Variants in NAALADL2 observed in about 807,000 individuals in gnomAD.
NAALADL2 encodes N-acetylated alpha-linked acidic dipeptidase like 2, also known as inactive N-acetylated-alpha-linked acidic dipeptidase-like protein 2.
A neutral mutation model predicts 87.2 loss-of-function variants in NAALADL2; 76 were observed. The observed-to-expected ratio is 0.87, with a 90% CI of 0.72 to 1.05. The LOEUF (loss-of-function observed/expected upper bound fraction) is 1.05, where lower values mean the gene tolerates loss of function less well. Ranked by LOEUF, NAALADL2 falls within the 50% of genes least tolerant of loss-of-function variation. NAALADL2 has a pLI of 0.00. For missense variants in NAALADL2, 1,089 were observed against 945.8 expected (o/e 1.15, Z -1.99); for synonymous variants, 354 against 331.0 (o/e 1.07, Z -0.75).
chr3:174,982,357 A>T (rs1207095845), intron 1 of NAALADL2, among the ~76,000 whole-genome samples: 2 of 144,078 alleles, frequency 1.4e-5, no homozygotes, highest in South Asian at 2.1e-4. Context: ...AGTATAACTT[A>T]AAAAAAAAAG....
At chr3:174,976,231 T>G (rs1038774555) in intron 1 of NAALADL2, among the ~76,000 whole-genome samples, 1 of 152,212 alleles carries the variant, frequency 6.6e-6, no homozygotes, top group South Asian at 2.1e-4. Context: ...TTACATTTCC[T>G]TAAAACTATC....
chr3:174,986,019 T>C (rs1274684526), intron 1 of NAALADL2, among the ~76,000 whole-genome samples: 1 of 151,968 alleles, frequency 6.6e-6, no homozygotes, highest in Non-Finnish European at 1.5e-5. Context: ...TTGCTGATAA[T>C]TGGTGACGAT....
intron 11 of NAALADL2, among the ~76,000 whole-genome samples, chr3:175,704,622 G>A (rs546005810): frequency 1.3e-5 from 2 of 152,112 alleles, no homozygotes; most frequent in African/African-American, 2.4e-5. Context: ...TCTACCCACC[G>A]ACTCTCGATA....
chr3:175,379,419 T>C (rs1233768336), intron 5 of NAALADL2, among the ~76,000 whole-genome samples: 2 of 152,144 alleles, frequency 1.3e-5, no homozygotes, highest in African/African-American at 4.8e-5. Flanking sequence ...AAAGTGTTTC[T>C]GGGTGGAAAG....
At chr3:175,165,791 T>C (rs1466932084) in intron 2 of NAALADL2, among the ~76,000 whole-genome samples, 1 of 152,112 alleles carries the variant, frequency 6.6e-6, no homozygotes, top group Non-Finnish European at 1.5e-5. Flanking sequence ...TCTCTCTGCC[T>C]GATACTCCTC....
At position 175,808,709 on chromosome 3, in the gene NAALADL2, G is replaced by T. The variant is rs994958378; in HGVS notation, c.*5506G>T. On this transcript the variant is annotated 3_prime_UTR_variant, in exon 14 of 14. Transcript: ENST00000454872. The stretch of plus-strand genomic sequence containing the variant: ...GCCTGTATCATGCCATATGTCATGT[G>T]CTATATTCCTGCAAGCTCAAGAGAT... The T allele has an allele frequency of 6.6e-6, 1 of 151,906 alleles. No homozygotes were observed. Among genetic ancestry groups the T allele is most frequent in the African/African-American group, 2.4e-5 (1 of 41,370 alleles). The allele number at this position is 151,906 out of a possible 1,614,324, so 9.4% of individuals were successfully genotyped here.
intron 9 of NAALADL2, among the ~76,000 whole-genome samples, chr3:175,495,600 G>T (rs1430908678): frequency 6.6e-6 from 1 of 151,962 alleles, no homozygotes; most frequent in Non-Finnish European, 1.5e-5. Flanking sequence ...AGGCTGTCTT[G>T]AACTTCTGCT....
intron 4 of NAALADL2, among the ~76,000 whole-genome samples, chr3:175,275,445 A>G (rs1016786955): frequency 4.8e-5 from 7 of 147,034 alleles, no homozygotes; most frequent in Non-Finnish European, 9.0e-5. Context: ...TTTCATTTAT[A>G]CACATCTGGA....
intron 11 of NAALADL2, among the ~76,000 whole-genome samples, chr3:175,735,384 G>C (rs958698081): frequency 7.2e-5 from 11 of 152,098 alleles, no homozygotes; most frequent in African/African-American, 2.7e-4. Flanking sequence ...CTATTTCCCA[G>C]TTCCAAAGTT....
intron 2 of NAALADL2, among the ~76,000 whole-genome samples, chr3:175,199,864 A>ATTTTTTT (rs869050569): frequency 1.2e-3 from 16 of 13,042 alleles, no homozygotes; most frequent in Non-Finnish European, 1.9e-3. Flanking sequence ...ATATATATAT[A>ATTTTTTT]TTTTTTTTTT....
At chr3:175,176,932 C>T (rs1735779788) in intron 2 of NAALADL2, among the ~76,000 whole-genome samples, 1 of 152,032 alleles carries the variant, frequency 6.6e-6, no homozygotes, top group African/African-American at 2.4e-5. Context: ...ACCACTAAAT[C>T]TGTGGTAAAT....
At chr3:175,179,654 A>G (rs1202951422) in intron 2 of NAALADL2, among the ~76,000 whole-genome samples, 1 of 152,012 alleles carries the variant, frequency 6.6e-6, no homozygotes, top group African/African-American at 2.4e-5. Flanking sequence ...GGTTCCATAG[A>G]CATGGGTTAC....
At chr3:175,284,332 A>C (rs1754716893) in intron 4 of NAALADL2, among the ~76,000 whole-genome samples, 1 of 152,002 alleles carries the variant, frequency 6.6e-6, no homozygotes, top group African/African-American at 2.4e-5. Context: ...GCTATAATAA[A>C]ACATTCATCA....
chr3:175,044,928 T>G (rs1469673390), intron 1 of NAALADL2, among the ~76,000 whole-genome samples: 1 of 139,628 alleles, frequency 7.2e-6, no homozygotes, highest in East Asian at 2.3e-4. Context: ...GCGCAATTTC[T>G]GATTTTTTTT....
intron 4 of NAALADL2, among the ~76,000 whole-genome samples, chr3:175,317,228 TG>T (rs1428406509): frequency 4.6e-5 from 7 of 151,954 alleles, no homozygotes; most frequent in African/African-American, 1.7e-4. Context: ...TTGATACTTT[TG>T]ACTTAGCTCT....
intron 4 of NAALADL2, among the ~76,000 whole-genome samples, chr3:175,296,514 C>A (rs533404271): frequency 6.6e-6 from 1 of 152,210 alleles, no homozygotes; most frequent in Non-Finnish European, 1.5e-5. Flanking sequence ...ACCATTATAG[C>A]CCTTTGTTTT....
chr3:175,652,660 A>C (rs1730940548), intron 11 of NAALADL2, among the ~76,000 whole-genome samples: 1 of 151,842 alleles, frequency 6.6e-6, no homozygotes. Context: ...TTGTATTTTT[A>C]GTAGAAACGG....
chr3:174,489,264 G>T (rs1177825990), intron 1 of NAALADL2, among the ~76,000 whole-genome samples: 1 of 151,986 alleles, frequency 6.6e-6, no homozygotes, highest in Non-Finnish European at 1.5e-5. Flanking sequence ...AGCTAATGGT[G>T]CTGAGGCAAG....
At chr3:175,104,055 G>C (rs570437013) in intron 2 of NAALADL2, among the ~76,000 whole-genome samples, 123 of 152,162 alleles carry the variant, frequency 8.1e-4, no homozygotes, top group Middle Eastern at 6.8e-3. Context: ...TTGTTTACTT[G>C]TTACAGTATT....
Sources: allele counts gnomAD v4.1 joint callset (sites outside exome capture counted in the v4.1 genomes callset), GRCh38; gene constraint gnomAD v4.1.1; transcripts MANE v1.5; gene names NCBI Gene and HGNC (gene_info 2026-07-23, HGNC 2026-07-21).